Variants in AATF observed in about 807,000 individuals in gnomAD.
AATF encodes apoptosis antagonizing transcription factor, also known as protein AATF.
In AATF, 48 loss-of-function variants were observed where a neutral mutation model predicts 63.7. That is an observed-to-expected ratio of 0.75 (90% CI 0.60 to 0.96). The LOEUF (loss-of-function observed/expected upper bound fraction) is 0.96, where lower values mean the gene tolerates loss of function less well. AATF is among the 40% of genes least tolerant of loss of function. AATF has a pLI of 0.00. For missense variants in AATF, 639 were observed against 685.7 expected (o/e 0.93, Z 0.76); for synonymous variants, 258 against 247.7 (o/e 1.04, Z -0.39).
At chr17:37,020,840 C>A (rs1163473509) in intron 9 of AATF, 94 bp from the exon 10 acceptor site, 22 of 1,008,266 alleles carry the variant, frequency 2.2e-5, no homozygotes, top group Non-Finnish European at 3.0e-5. Context: ...TTGATGATTT[C>A]TTTCTGCAGG....
intron 9 of AATF, among the ~76,000 whole-genome samples, 168 bp from the exon 10 acceptor site, chr17:37,020,766 C>T (rs1328763119): frequency 6.6e-6 from 1 of 152,178 alleles, no homozygotes; most frequent in African/African-American, 2.4e-5. Context: ...TTTACCATTG[C>T]ACAAATCCTG....
intron 4 of AATF, among the ~76,000 whole-genome samples, chr17:36,964,801 T>C (rs536192740): frequency 6.6e-6 from 1 of 151,768 alleles, no homozygotes; most frequent in African/African-American, 2.4e-5. Context: ...ATCCTTTTTT[T>C]CCTAAACTTT....
chr17:36,953,523 A>G (rs2070874267), intron 3 of AATF, among the ~76,000 whole-genome samples: 1 of 152,216 alleles, frequency 6.6e-6, no homozygotes, highest in Admixed American at 6.5e-5. Flanking sequence ...CAACTGGGGA[A>G]GATTGAAGAG....
In AATF at chr17:37,002,478, T is replaced by C. The variant is rs982466888; in HGVS notation, c.1398+11621T>C. Among the ~76,000 whole-genome samples, 81 of 147,972 alleles carry C rather than the reference T, an allele frequency of 5.5e-4. 1 individual carries two copies. Among genetic ancestry groups the C allele is most frequent in the Admixed American group, 1.6e-3 (24 of 14,774 alleles). On this transcript the variant is annotated intron_variant, in intron 8 of 11. Transcript: ENST00000619387. ...GTCAGGAGATTGAGACCATCCTGGC[T>C]AACACGGTGAAACCCTGTCTCTACT...
chr17:36,953,343 T>G, intron 3 of AATF, 47 bp downstream of exon 3: 1 of 1,573,646 alleles, frequency 6.4e-7, no homozygotes, highest in Non-Finnish European at 8.6e-7. Flanking sequence ...AGTATCTGCA[T>G]TTGGTCTACT....
At chr17:36,988,105 G>A (rs2071183037) in intron 5 of AATF, among the ~76,000 whole-genome samples, 1 of 152,194 alleles carries the variant, frequency 6.6e-6, no homozygotes, top group South Asian at 2.1e-4. Flanking sequence ...CTGGAGGCCA[G>A]GAGTTTGAAA....
intron 11 of AATF, among the ~76,000 whole-genome samples, chr17:37,031,964 AG>A (rs2071555210): frequency 1.3e-5 from 2 of 152,286 alleles, no homozygotes; most frequent in Non-Finnish European, 2.9e-5. Context: ...AGGACAGGGC[AG>A]GTGGCCCATG....
intron 4 of AATF, among the ~76,000 whole-genome samples, chr17:36,981,059 A>G (rs1597710494): frequency 6.6e-6 from 1 of 152,280 alleles, no homozygotes; most frequent in Non-Finnish European, 1.5e-5. Context: ...AAATGAGAAC[A>G]TATGAGAGAG....
At chr17:36,986,536 A>G (rs2071170076) in intron 4 of AATF, 81 bp from the exon 5 acceptor site, 5 of 1,123,048 alleles carry the variant, frequency 4.5e-6, no homozygotes, top group Non-Finnish European at 6.8e-6. Flanking sequence ...AGAACTGCTC[A>G]GGAGTCATGA....
Position 36,953,057 on chromosome 17 carries a change from A to G in AATF, c.455A>G (p.Gln152Arg), listed in dbSNP as rs930150608. The change falls in exon 3 of 12, where the codon CAG becomes CGG. Residue 152 changes from glutamine to arginine, a missense_variant. Transcript: ENST00000619387. ...GCAAAAACACCGGGCTTCAGTGTCC[A>G]GAGTATCAGTGACTTTGAGAAATTT... Reference protein sequence around the residue: ...HSAKTPGFSVQSISDFEKFTK... With the variant: ...HSAKTPGFSVRSISDFEKFTK... 2 of 1,614,192 alleles carry G rather than the reference A, an allele frequency of 1.2e-6. No homozygotes were observed. The highest frequency in any genetic ancestry group is 1.7e-6 in the Non-Finnish European group (2 of 1,180,042).
At chr17:37,005,640 A>G (rs1952372274) in intron 8 of AATF, among the ~76,000 whole-genome samples, 1 of 152,218 alleles carries the variant, frequency 6.6e-6, no homozygotes, top group South Asian at 2.1e-4. Context: ...ACCCTGCTAA[A>G]TAATGCTAAA....
intron 5 of AATF, 58 bp downstream of exon 5, chr17:36,986,789 CA>C: frequency 7.0e-7 from 1 of 1,421,804 alleles, no homozygotes; most frequent in Non-Finnish European, 9.9e-7. Flanking sequence ...AGTTTCCCAT[CA>C]TTTATGAAAG....
At chr17:37,026,727 G>T (rs1233108238) in intron 10 of AATF, among the ~76,000 whole-genome samples, 1 of 152,122 alleles carries the variant, frequency 6.6e-6, no homozygotes, top group African/African-American at 2.4e-5. Context: ...GAACTAATTG[G>T]TCTGATTCCA....
chr17:37,022,260 T>G (rs1418628884), intron 10 of AATF, among the ~76,000 whole-genome samples: 1 of 152,134 alleles, frequency 6.6e-6, no homozygotes, highest in African/African-American at 2.4e-5. Flanking sequence ...AGGCAGGTAG[T>G]TAAACCCACA....
At chr17:37,010,954 T>C (rs923418832) in intron 8 of AATF, among the ~76,000 whole-genome samples, 1 of 152,152 alleles carries the variant, frequency 6.6e-6, no homozygotes, top group Non-Finnish European at 1.5e-5. Context: ...TTTTTGAAAA[T>C]ACTACTCTTG....
At chr17:36,991,587 CT>C (rs34166182) in intron 8 of AATF, among the ~76,000 whole-genome samples, 186 of 138,538 alleles carry the variant, frequency 1.3e-3, no homozygotes, top group East Asian at 1.2e-3. Context: ...ATAAGTTATA[CT>C]TTTTTTTTTT....
intron 11 of AATF, among the ~76,000 whole-genome samples, chr17:37,037,133 C>T (rs1191445677): frequency 2.0e-5 from 3 of 151,914 alleles, no homozygotes; most frequent in Admixed American, 1.3e-4. Flanking sequence ...CTCAGCCTCC[C>T]GAGTAGCTGG....
chr17:36,990,685 T>C (rs1411189677), intron 7 of AATF, 89 bp from the exon 8 acceptor site: 2 of 817,736 alleles, frequency 2.4e-6, no homozygotes, highest in Non-Finnish European at 3.9e-6. Flanking sequence ...AAAACAGTGC[T>C]TTGACTGTTC....
intron 11 of AATF, among the ~76,000 whole-genome samples, chr17:37,040,774 G>A (rs1447935177): frequency 1.3e-5 from 2 of 150,062 alleles, no homozygotes; most frequent in Admixed American, 6.7e-5. Flanking sequence ...TTTTATAGGA[G>A]AGATGCTTTC....
Sources: allele counts gnomAD v4.1 joint callset (sites outside exome capture counted in the v4.1 genomes callset), GRCh38; gene constraint gnomAD v4.1.1; transcripts MANE v1.5; gene names NCBI Gene and HGNC (gene_info 2026-07-23, HGNC 2026-07-21).